The following ARHGEF12 variants were observed in gnomAD, a reference collection of about 807,000 sequenced individuals.
The protein encoded by ARHGEF12 is KMT2A/ARHGEF12 fusion protein.
A neutral mutation model predicts 211.2 loss-of-function variants in ARHGEF12; 66 were observed. That is an observed-to-expected ratio of 0.31 (90% CI 0.26 to 0.38). The LOEUF (loss-of-function observed/expected upper bound fraction) is 0.38, where lower values mean the gene tolerates loss of function less well. Ranked by LOEUF, ARHGEF12 falls within the 10% of genes least tolerant of loss-of-function variation. The probability of loss-of-function intolerance (pLI) is 1.00; values close to 1 mark genes in which losing one functional copy is unlikely to be tolerated. For missense variants in ARHGEF12, 1,429 were observed against 1,869.5 expected, an observed-to-expected ratio of 0.76 and a Z score of 4.34; for synonymous variants, 592 against 638.4, an observed-to-expected ratio of 0.93 and a Z score of 1.09.
intron 10 of ARHGEF12, among the ~76,000 whole-genome samples, chr11:120,430,384 A>C (rs752575026): frequency 6.6e-6 from 1 of 152,204 alleles, no homozygotes; most frequent in Non-Finnish European, 1.5e-5. Context: ...CTGGAATTCA[A>C]ACCCAGTCTG....
intron 34 of ARHGEF12, 107 bp from the exon 35 acceptor site, chr11:120,477,105 GTTGTTGT>G: frequency 2.8e-6 from 2 of 708,808 alleles, no homozygotes; most frequent in Non-Finnish European, 2.4e-6. Context: ...TGTTGTTGTT[GTTGTTGT>G]TGTTGTTGGT....
chr11:120,407,083 A>T (rs534097012), intron 2 of ARHGEF12, among the ~76,000 whole-genome samples: 5 of 152,350 alleles, frequency 3.3e-5, no homozygotes, highest in African/African-American at 1.2e-4. Flanking sequence ...GTGTCAGCAT[A>T]GTCCAGGATC....
In ARHGEF12 at chr11:120,451,538, G is replaced by A; in HGVS notation, c.1870G>A (p.Ala624Thr). Residue 624 changes from alanine (A) to threonine (T), a missense_variant, in exon 22 of 41, where the codon GCG becomes ACG. Ala to Thr is a moderately conservative substitution (Grantham distance 58). Around this residue, in one of 7 missense-constraint regions of ARHGEF12, gnomAD observed 373 missense variants for 467.5 expected, o/e 0.80. Coordinates refer to ENST00000397843, the MANE Select transcript of ARHGEF12 (RefSeq NM_015313.3). ...AIGRAMELQKARHPKHLSTPS... is the reference protein window; with the variant it reads ...AIGRAMELQKTRHPKHLSTPS... ...TGGCAGAGCCATGGAACTACAGAAG[G>A]CGCGCCACCCTAAGCACTTATCCAC... 6.2e-7 allele frequency: 1 copy of A among 1,614,108 alleles called. No individual in the cohort carries two copies. Among genetic ancestry groups the A allele is most frequent in the Non-Finnish European group, 8.5e-7 (1 of 1,180,008 alleles).
At chr11:120,422,646 T>C (rs1046380355) in intron 6 of ARHGEF12, among the ~76,000 whole-genome samples, 3 of 152,218 alleles carry the variant, frequency 2.0e-5, no homozygotes, top group Non-Finnish European at 1.5e-5. Flanking sequence ...AAAACACTTC[T>C]TCTGGTACCA....
chr11:120,440,349 A>T, intron 13 of ARHGEF12, 128 bp downstream of exon 13: 1 of 733,324 alleles, frequency 1.4e-6, no homozygotes, highest in East Asian at 2.7e-5. Context: ...CTTAGAACCA[A>T]TAGCTCCTTG....
At chr11:120,445,555 AC>A in intron 16 of ARHGEF12, 91 bp downstream of exon 16, 1 of 1,250,546 alleles carries the variant, frequency 8.0e-7, no homozygotes, top group Non-Finnish European at 1.2e-6. Flanking sequence ...TCACATGGTG[AC>A]TAGTCGATCA....
chr11:120,412,690 T>C (rs755002530), intron 4 of ARHGEF12, among the ~76,000 whole-genome samples: 8 of 152,218 alleles, frequency 5.3e-5, no homozygotes, highest in Admixed American at 3.9e-4. Context: ...CCAGTCTAAG[T>C]GTCCCATAAA....
chr11:120,417,628 C>T (rs1391963046), intron 4 of ARHGEF12, among the ~76,000 whole-genome samples: 1 of 151,432 alleles, frequency 6.6e-6, no homozygotes, highest in East Asian at 1.9e-4. Flanking sequence ...AGTTCTCCTG[C>T]CTCAGCCTCC....
chr11:120,359,993 T>C (rs1294379920), intron 1 of ARHGEF12, among the ~76,000 whole-genome samples: 4 of 152,196 alleles, frequency 2.6e-5, no homozygotes, highest in Non-Finnish European at 5.9e-5. Flanking sequence ...TAAGACCAAG[T>C]CTCTAATAAC....
chr11:120,356,628 A>G (rs1943138470), intron 1 of ARHGEF12, among the ~76,000 whole-genome samples: 1 of 151,982 alleles, frequency 6.6e-6, no homozygotes, highest in Non-Finnish European at 1.5e-5. Context: ...CCTTTTACTT[A>G]TTTCTGGTTG....
intron 10 of ARHGEF12, among the ~76,000 whole-genome samples, chr11:120,430,698 G>A (rs994122355): frequency 4.6e-5 from 7 of 151,996 alleles, no homozygotes; most frequent in East Asian, 1.9e-4. Flanking sequence ...CTGCATATTC[G>A]CAAAAGAATT....
intron 1 of ARHGEF12, among the ~76,000 whole-genome samples, chr11:120,361,513 GTTAT>G (rs1161217943): frequency 1.3e-5 from 2 of 152,212 alleles, no homozygotes; most frequent in Non-Finnish European, 2.9e-5. Flanking sequence ...AGTGTGTCAA[GTTAT>G]TTATTGGACA....
chr11:120,459,290 T>G lies in ARHGEF12; in HGVS notation c.2497T>G (p.Ser833Ala), dbSNP rs759395368. Reference sequence around the variant, plus strand: ...ACCCTCAGAGCTACGGAAAATTTTTTCAAACTTGGAAGATATTCTTCAACT... The same window carrying G: ...ACCCTCAGAGCTACGGAAAATTTTTGCAAACTTGGAAGATATTCTTCAACT... The part of the protein sequence containing the change: ...LSPSELRKIF[S>A]NLEDILQLHI... The change falls in exon 26 of 41, where the codon TCA becomes GCA. Residue 833 changes from serine to alanine, a missense_variant. By Grantham distance (99) the Ser-to-Ala change is moderately conservative (BLOSUM62 1). Transcript: ENST00000397843. The G allele has an allele frequency of 1.9e-6, 3 of 1,613,462 alleles. No homozygotes were observed. The highest frequency in any genetic ancestry group is 2.5e-6 in the Non-Finnish European group (3 of 1,179,682).
chr11:120,487,668 A>T lies in ARHGEF12; in HGVS notation c.*2591A>T, dbSNP rs1277179487. The T allele has an allele frequency of 9.2e-6, 2 of 217,924 alleles. No homozygotes were observed. Among genetic ancestry groups the T allele is most frequent in the Non-Finnish European group, 1.8e-5 (2 of 108,414 alleles). The allele number at this position is 217,924 out of a possible 1,614,324, so 13.5% of individuals were successfully genotyped here. ...GCTAAAGGGCACAGGGGTGGTGTAC[A>T]AAGAAAGCTACCTTCCCAGAGCAAG... is the stretch of plus-strand genomic sequence containing the variant. On this transcript the variant is annotated 3_prime_UTR_variant, in exon 41 of 41. Coordinates refer to ENST00000397843, the MANE Select transcript of ARHGEF12 (RefSeq NM_015313.3).
In ARHGEF12 at chr11:120,446,929, A is replaced by C; in HGVS notation, c.1452-19A>C. 1 of 1,607,396 alleles carries C rather than the reference A, an allele frequency of 6.2e-7. No homozygotes were observed. The highest frequency in any genetic ancestry group is 8.5e-7 in the Non-Finnish European group (1 of 1,177,158). On this transcript the variant is annotated intron_variant, in intron 17 of 40. Transcript: ENST00000397843. ...GTTTTTCTTTAGGCTACCTCAGGAA[A>C]CTTCTCTATTCCCTTCAGGCAGAAA...
intron 11 of ARHGEF12, among the ~76,000 whole-genome samples, chr11:120,434,864 C>A (rs1186343002): frequency 2.6e-5 from 4 of 151,916 alleles, no homozygotes; most frequent in Admixed American, 2.6e-4. Flanking sequence ...TAACATAATC[C>A]TCCTCATGTC....
chr11:120,402,303 G>C (rs925974306), intron 1 of ARHGEF12, among the ~76,000 whole-genome samples: 8 of 152,064 alleles, frequency 5.3e-5, no homozygotes, highest in Non-Finnish European at 1.5e-5. Context: ...ATCGTCTTAC[G>C]ATGGTTGAGC....
At position 120,481,582 on chromosome 11, in the gene ARHGEF12, T is replaced by G; in HGVS notation, c.4554+6T>G. The G allele has an allele frequency of 6.2e-7, 1 of 1,611,642 alleles. No individual in the cohort carries two copies. The highest frequency in any genetic ancestry group is 8.5e-7 in the Non-Finnish European group (1 of 1,178,004). ...CTGACCTTGAACACTTAAAGGTACCTCATACTTCCACATCCATAGGACTTG... is the reference window on the plus strand; with the variant it reads ...CTGACCTTGAACACTTAAAGGTACCGCATACTTCCACATCCATAGGACTTG... On this transcript the variant is annotated splice_donor_region_variant and intron_variant, in intron 39 of 40. Transcript: ENST00000397843.
chr11:120,424,575 A>G (rs1945285833), intron 7 of ARHGEF12, among the ~76,000 whole-genome samples, 160 bp downstream of exon 7: 3 of 152,232 alleles, frequency 2.0e-5, no homozygotes, highest in South Asian at 2.1e-4. Context: ...GCCATAGACT[A>G]TATGTAAATG....
Sources: allele counts gnomAD v4.1 joint callset (sites outside exome capture counted in the v4.1 genomes callset), GRCh38; gene constraint gnomAD v4.1.1; regional missense constraint gnomAD v4.1.1; transcripts MANE v1.5; gene names NCBI Gene and HGNC (gene_info 2026-07-23, HGNC 2026-07-21).